Variants in EBF2 observed in about 807,000 individuals in gnomAD.
EBF2 encodes transcription factor COE2.
A neutral mutation model predicts 72.8 loss-of-function variants in EBF2; 21 were observed. That is an observed-to-expected ratio of 0.29 (90% CI 0.20 to 0.42). The LOEUF is 0.42. EBF2 is among the 10% of genes least tolerant of loss of function. The pLI, the probability that EBF2 is intolerant of heterozygous loss-of-function variation, is 1.00. For missense variants in EBF2, 637 were observed against 731.2 expected (o/e 0.87, Z 1.49); for synonymous variants, 299 against 274.2 (o/e 1.09, Z -0.89).
At chr8:25,947,438 C>A (rs1803789577) in intron 6 of EBF2, among the ~76,000 whole-genome samples, 2 of 152,190 alleles carry the variant, frequency 1.3e-5, no homozygotes, top group African/African-American at 2.4e-5. Context: ...TCTTTATTAG[C>A]AGTGTGAGAA....
At chr8:25,962,044 C>A (rs910895417) in intron 6 of EBF2, among the ~76,000 whole-genome samples, 9 of 152,110 alleles carry the variant, frequency 5.9e-5, no homozygotes, top group African/African-American at 2.2e-4. Context: ...ATTAGAGTAG[C>A]CTAATTTAAA....
At chr8:26,018,496 CAAAAAAAAAAA>C (rs10555042) in intron 6 of EBF2, among the ~76,000 whole-genome samples, 2 of 81,620 alleles carry the variant, frequency 2.5e-5, no homozygotes, top group African/African-American at 5.1e-5. Context: ...ACTAAAAATA[CAAAAAAAAAAA>C]AAAAAAAAAA....
intron 6 of EBF2, among the ~76,000 whole-genome samples, chr8:25,963,572 A>G (rs181591442): frequency 1.3e-5 from 2 of 152,302 alleles, no homozygotes; most frequent in Admixed American, 1.3e-4. Context: ...AAACAAAATG[A>G]GGGTCTCATT....
rs141220737 is a variant in EBF2, at chr8:25,956,914, C to T, written c.552-48359G>A. Among the ~76,000 whole-genome samples the T allele has an allele frequency of 5.3e-3, 800 of 152,342 alleles. 10 individuals are homozygous for T. The highest frequency in any genetic ancestry group is 0.018 in the African/African-American group (761 of 41,574). ...TGATATAGAAAACATGACATTTGTG[C>T]TTGTCCCCAAGGAAACACCGCTCAT... On this transcript the variant is annotated intron_variant, in intron 6 of 15. Coordinates refer to ENST00000520164, the MANE Select transcript of EBF2 (RefSeq NM_022659.4).
intron 6 of EBF2, among the ~76,000 whole-genome samples, chr8:26,024,866 A>T (rs1400361459): frequency 6.6e-6 from 1 of 152,208 alleles, no homozygotes; most frequent in Admixed American, 6.5e-5. Flanking sequence ...CACACAGCTA[A>T]TAAATATTGG....
chr8:25,905,385 C>T (rs149076053), intron 7 of EBF2, among the ~76,000 whole-genome samples: 1 of 152,216 alleles, frequency 6.6e-6, no homozygotes, highest in East Asian at 1.9e-4. Flanking sequence ...TGAAACTGTG[C>T]ACAAATACTA....
intron 14 of EBF2, among the ~76,000 whole-genome samples, chr8:25,854,981 G>C (rs950607765): frequency 6.6e-5 from 10 of 152,142 alleles, no homozygotes; most frequent in African/African-American, 2.4e-4. Context: ...GTCCCTATGG[G>C]TGTTACAGGC....
chr8:25,850,513 C>A, intron 15 of EBF2, 81 bp downstream of exon 15: 2 of 1,404,652 alleles, frequency 1.4e-6, no homozygotes, highest in Admixed American at 5.8e-5. Flanking sequence ...ATGGCTGGAG[C>A]TATACAATGA....
rs1455998734 is a variant in EBF2 at position 26,044,818 on chromosome 8, C to T, written c.42G>A (p.Leu14=). ...TCTCCGCGCCCAGCGATTTCTCTTTCAGAGTTGGTCCTCTTCCTAAAGTAT... is the reference window on the plus strand; with the variant it reads ...TCTCCGCGCCCAGCGATTTCTCTTTTAGAGTTGGTCCTCTTCCTAAAGTAT... ...IQDTLGRGPT[L]KEKSLGAEMD... The change falls in exon 1 of 16, where the codon CTG becomes CTA. Residue 14 remains leucine (L), a synonymous_variant. Coordinates refer to ENST00000520164, the MANE Select transcript of EBF2 (RefSeq NM_022659.4). The surrounding 1 kb of genome is among the most constrained non-coding windows in gnomAD (Gnocchi z 4.1). 6.2e-7 allele frequency: 1 copy of T among 1,614,184 alleles called. No homozygotes were observed. The highest frequency in any genetic ancestry group is 2.2e-5 in the East Asian group (1 of 44,876).
At chr8:25,969,842 C>T (rs1804164949) in intron 6 of EBF2, among the ~76,000 whole-genome samples, 1 of 152,122 alleles carries the variant, frequency 6.6e-6, no homozygotes, top group Admixed American at 6.5e-5. Context: ...GTAACTGAGA[C>T]TACAGGCACA....
chr8:25,952,641 C>A (rs181036892), intron 6 of EBF2, among the ~76,000 whole-genome samples: 2 of 152,152 alleles, frequency 1.3e-5, no homozygotes, highest in Non-Finnish European at 2.9e-5. Flanking sequence ...TAATCTCCCC[C>A]CTACACTTCA....
intron 6 of EBF2, among the ~76,000 whole-genome samples, chr8:25,916,683 G>C (rs1218784419): frequency 6.6e-6 from 1 of 152,144 alleles, no homozygotes; most frequent in Non-Finnish European, 1.5e-5. Flanking sequence ...CTCACAGATA[G>C]TAGGGGAGAA....
rs181523138 is a variant in EBF2 at position 25,996,050 on chromosome 8, T to C, written c.551+37035A>G. 8.5e-5 allele frequency among the ~76,000 whole-genome samples: 13 copies of C among 152,164 alleles called. No individual in the cohort carries two copies. In the East Asian group the frequency reaches 2.3e-3, roughly 27 times the overall value. ...GGATCATGCCTGTGATCCCAACACT[T>C]TGGGAAGCCAAAGCCTGAGACTGGC... On this transcript the variant is annotated intron_variant, in intron 6 of 15. Coordinates refer to ENST00000520164, the MANE Select transcript of EBF2 (RefSeq NM_022659.4).
At chr8:25,899,489 A>C (rs2117303536) in intron 7 of EBF2, among the ~76,000 whole-genome samples, 1 of 152,316 alleles carries the variant, frequency 6.6e-6, no homozygotes, top group East Asian at 1.9e-4. Context: ...AGGCAGCTGG[A>C]GCTGTATTAA....
intron 14 of EBF2, among the ~76,000 whole-genome samples, chr8:25,852,302 G>GAAAT (rs1801997635): frequency 6.6e-6 from 1 of 151,818 alleles, no homozygotes; most frequent in African/African-American, 2.4e-5. Context: ...TGGCATTAGT[G>GAAAT]AAATAGAAAA....
At chr8:26,015,486 A>C (rs892611011) in intron 6 of EBF2, among the ~76,000 whole-genome samples, 1 of 152,240 alleles carries the variant, frequency 6.6e-6, no homozygotes, top group Non-Finnish European at 1.5e-5. Flanking sequence ...GGGTTGACCA[A>C]GTAGTTGATT....
chr8:25,853,974 C>A (rs1802034446), intron 14 of EBF2, among the ~76,000 whole-genome samples: 1 of 151,956 alleles, frequency 6.6e-6, no homozygotes, highest in African/African-American at 2.4e-5. Flanking sequence ...ATTATGAATA[C>A]CCTTAAATGT....
chr8:26,029,704 G>T (rs1381326762), intron 6 of EBF2, among the ~76,000 whole-genome samples: 2 of 152,138 alleles, frequency 1.3e-5, no homozygotes, highest in Non-Finnish European at 2.9e-5. Context: ...TAATTAGTTG[G>T]CATTATAGGA....
intron 6 of EBF2, among the ~76,000 whole-genome samples, chr8:25,917,664 C>T (rs1490173827): frequency 6.6e-6 from 1 of 152,198 alleles, no homozygotes; most frequent in African/African-American, 2.4e-5. Flanking sequence ...AGTACCATGA[C>T]TCTCGGGTGA....
Sources: allele counts gnomAD v4.1 joint callset (sites outside exome capture counted in the v4.1 genomes callset), GRCh38; gene constraint gnomAD v4.1.1; non-coding constraint Gnocchi (gnomAD v3.1); transcripts MANE v1.5; gene names NCBI Gene and HGNC (gene_info 2026-07-23, HGNC 2026-07-21).